LMX1A: variants seen among roughly 807,000 people sequenced by gnomAD.
The protein encoded by LMX1A is LIM homeobox transcription factor 1 alpha.
A neutral mutation model predicts 49.1 loss-of-function variants in LMX1A; 15 were observed. The ratio of observed to expected loss-of-function variants is 0.31; its 90% CI spans 0.20 to 0.47. LMX1A has a LOEUF of 0.47. Ranked by LOEUF, LMX1A falls within the 20% of genes least tolerant of loss-of-function variation. LMX1A has a pLI of 1.00. For synonymous variants in LMX1A, 167 were observed against 185.7 expected, an observed-to-expected ratio of 0.90 and a Z score of 0.82; for missense variants, 372 against 475.8, an observed-to-expected ratio of 0.78 and a Z score of 2.03.
chr1:165,255,504 G>A lies in LMX1A; in HGVS notation c.264-5864C>T, dbSNP rs116364436. Among the ~76,000 whole-genome samples the A allele has an allele frequency of 3.8e-3, 583 of 152,302 alleles. 1 individual carries two copies. Among genetic ancestry groups the A allele is most frequent in the African/African-American group, 0.013 (543 of 41,556 alleles). On this transcript the variant is annotated intron_variant, in intron 3 of 8. Coordinates refer to ENST00000342310, the MANE Select transcript of LMX1A (RefSeq NM_177398.4). ...CACCACTTCATCACTTGCTGCCTCC[G>A]TTTGCTTTGATGTAAAAGGTAATAA...
At chr1:165,313,351 A>G (rs186017435) in intron 3 of LMX1A, among the ~76,000 whole-genome samples, 5 of 152,210 alleles carry the variant, frequency 3.3e-5, no homozygotes, top group African/African-American at 7.2e-5. Context: ...CTAGATGCCC[A>G]TCTCCTCCAC....
chr1:165,339,295 T>A (rs1298073908), intron 3 of LMX1A, among the ~76,000 whole-genome samples: 1 of 152,244 alleles, frequency 6.6e-6, no homozygotes, highest in African/African-American at 2.4e-5. Flanking sequence ...CACCCTGAAC[T>A]CCCTTGCTTT....
chr1:165,211,517 G>A lies in LMX1A; in HGVS notation c.670-741C>T, dbSNP rs190909163. Among the ~76,000 whole-genome samples the A allele has an allele frequency of 3.1e-3, 465 of 152,362 alleles. 2 individuals are homozygous for A. Among genetic ancestry groups the A allele is most frequent in the Non-Finnish European group, 5.8e-3 (394 of 68,032 alleles). Reference sequence around the variant, plus strand: ...CACAGATTTTCAGAGGGGGGCCTGAGAGACACTGACCTCTCTTGATTAGAT... The same window carrying A: ...CACAGATTTTCAGAGGGGGGCCTGAAAGACACTGACCTCTCTTGATTAGAT... On this transcript the variant is annotated intron_variant, in intron 5 of 8. Transcript: ENST00000342310.
chr1:165,312,245 C>T (rs1411712103), intron 3 of LMX1A, among the ~76,000 whole-genome samples: 3 of 152,126 alleles, frequency 2.0e-5, no homozygotes, highest in Non-Finnish European at 4.4e-5. Flanking sequence ...AGCAAAAGAG[C>T]AGTATGGTAT....
chr1:165,269,940 C>T (rs1299261053), intron 3 of LMX1A, among the ~76,000 whole-genome samples: 2 of 152,002 alleles, frequency 1.3e-5, no homozygotes, highest in African/African-American at 4.8e-5. Flanking sequence ...CTAATGAATG[C>T]TGGGCTTAAT....
chr1:165,249,579 G>A lies in LMX1A; in HGVS notation c.325C>T (p.Arg109Trp), dbSNP rs780166203. 11 of 1,614,038 alleles carry A rather than the reference G, an allele frequency of 6.8e-6. No homozygotes were observed. The highest frequency in any genetic ancestry group is 3.3e-5 in the South Asian group (3 of 91,084). Residue 109 changes from arginine to tryptophan, a missense_variant, in exon 4 of 9, where the codon CGG (arginine) becomes TGG (tryptophan). Arg to Trp is a moderately radical substitution (Grantham distance 101). This residue lies in a region of LMX1A where 199 missense variants were observed against 244.0 expected (regional missense o/e 0.82). Transcript: ENST00000342310. ...EAIAPNEFVMRAQKSVYHLSC... is the reference protein window; with the variant it reads ...EAIAPNEFVMWAQKSVYHLSC... ...AGGTGGTATACACTCTTCTGGGCCC[G>A]CATAACAAACTCATTGGGAGCGATG...
intron 3 of LMX1A, among the ~76,000 whole-genome samples, chr1:165,320,901 C>T (rs2101743669): frequency 6.6e-6 from 1 of 152,218 alleles, no homozygotes; most frequent in East Asian, 1.9e-4. Context: ...TAGTATTACA[C>T]AAAAGCTAAA....
intron 3 of LMX1A, among the ~76,000 whole-genome samples, chr1:165,351,795 A>G (rs1182096063): frequency 6.6e-6 from 1 of 152,262 alleles, no homozygotes; most frequent in Non-Finnish European, 1.5e-5. Flanking sequence ...CCAGACAACA[A>G]TAATAAATAA....
chr1:165,346,455 G>A (rs374024167), intron 3 of LMX1A, among the ~76,000 whole-genome samples: 6 of 152,176 alleles, frequency 3.9e-5, no homozygotes, highest in Admixed American at 6.5e-5. Context: ...TCTGGCAATC[G>A]TTTCATTAAA....
Position 165,249,573 on chromosome 1 carries a change from G to A in LMX1A, c.331C>T (p.Gln111Ter). The A allele has an allele frequency of 6.2e-7, 1 of 1,614,130 alleles. No homozygotes were observed. Among genetic ancestry groups the A allele is most frequent in the Non-Finnish European group, 8.5e-7 (1 of 1,180,002 alleles). The change falls in exon 4 of 9, where the codon CAG becomes TAG. Residue 111 changes from glutamine to a stop codon, truncating the protein, a stop_gained. Coordinates refer to ENST00000342310, the MANE Select transcript of LMX1A (RefSeq NM_177398.4). LOFTEE classifies it high-confidence loss of function. ...IAPNEFVMRA[Q>*]KSVYHLSCFC... ...CAGCTCAGGTGGTATACACTCTTCT[G>A]GGCCCGCATAACAAACTCATTGGGA...
At chr1:165,330,274 C>A (rs35437125) in intron 3 of LMX1A, among the ~76,000 whole-genome samples, 11,336 of 152,200 alleles carry the variant, frequency 0.074, 609 homozygotes, top group South Asian at 0.2. Context: ...AGGAGTTCAA[C>A]ACCAGCCTGG....
At chr1:165,224,745 T>G (rs1201346994) in intron 4 of LMX1A, among the ~76,000 whole-genome samples, 1 of 152,222 alleles carries the variant, frequency 6.6e-6, no homozygotes, top group East Asian at 1.9e-4. Flanking sequence ...ACAAATGTGC[T>G]GTAGAGTTCT....
At chr1:165,349,333 T>C (rs1434333656) in intron 3 of LMX1A, among the ~76,000 whole-genome samples, 1 of 152,212 alleles carries the variant, frequency 6.6e-6, no homozygotes, top group Non-Finnish European at 1.5e-5. Flanking sequence ...CTCAGTTAAA[T>C]AGGGAACAAC....
At position 165,203,819 on chromosome 1, in the gene LMX1A, A is replaced by AC; in HGVS notation, c.*60dup. On this transcript the variant is annotated 3_prime_UTR_variant, in exon 9 of 9. Coordinates refer to ENST00000342310, the MANE Select transcript of LMX1A (RefSeq NM_177398.4). ...TGGCCTCCCTGTCCTAAAGCCAGTG[A>AC]CCCCTCAAAGAATATGGTTGTTCCA... 1 of 1,551,140 alleles carries AC rather than the reference A, an allele frequency of 6.4e-7. No homozygotes were observed. Among genetic ancestry groups the AC allele is most frequent in the Non-Finnish European group, 8.9e-7 (1 of 1,128,214 alleles).
chr1:165,260,263 C>A (rs1317670458), intron 3 of LMX1A, among the ~76,000 whole-genome samples: 1 of 152,098 alleles, frequency 6.6e-6, no homozygotes, highest in Non-Finnish European at 1.5e-5. Context: ...TATTGTTCCA[C>A]AATTTTTGGC....
intron 3 of LMX1A, among the ~76,000 whole-genome samples, chr1:165,318,775 A>T (rs747518318): frequency 1.3e-5 from 2 of 152,140 alleles, no homozygotes; most frequent in Non-Finnish European, 2.9e-5. Context: ...TGTGGCCCTG[A>T]GAATAAAGAC....
intron 3 of LMX1A, among the ~76,000 whole-genome samples, chr1:165,278,133 A>G (rs1206540195): frequency 6.6e-6 from 1 of 152,204 alleles, no homozygotes. Context: ...CACAAAGCTA[A>G]TAAGTGGCAG....
intron 3 of LMX1A, among the ~76,000 whole-genome samples, chr1:165,262,313 C>A (rs1032769066): frequency 1.3e-5 from 2 of 151,990 alleles, no homozygotes; most frequent in Admixed American, 1.3e-4. Flanking sequence ...TTTTTTCTGC[C>A]TGGAATTAAA....
At chr1:165,317,371 G>A (rs990254496) in intron 3 of LMX1A, among the ~76,000 whole-genome samples, 12 of 152,164 alleles carry the variant, frequency 7.9e-5, no homozygotes, top group Admixed American at 5.9e-4. Flanking sequence ...TGAATAAATT[G>A]CATTCTAGAT....
Sources: gnomAD v4.1 joint callset for allele counts (sites outside exome capture counted in the v4.1 genomes callset) on GRCh38, gnomAD v4.1.1 for gene constraint, gnomAD v4.1.1 regional missense constraint, MANE v1.5 for transcripts, NCBI Gene and HGNC (gene_info 2026-07-23, HGNC 2026-07-21) for gene names.